USP34: variants seen among roughly 807,000 people sequenced by gnomAD.
The protein encoded by USP34 is ubiquitin carboxyl-terminal hydrolase 34.
A neutral mutation model predicts 460.3 loss-of-function variants in USP34; 70 were observed. The observed-to-expected ratio is 0.15, with a 90% CI of 0.13 to 0.19. The LOEUF is 0.19. Among genes scored for constraint, USP34 ranks in the 10% least tolerant of loss-of-function variants. The probability of loss-of-function intolerance (pLI) is 1.00; values close to 1 mark genes in which losing one functional copy is unlikely to be tolerated. For missense variants in USP34, 3,985 were observed against 4,236.2 expected (o/e 0.94, Z 1.65); for synonymous variants, 1,647 against 1,405.3 (o/e 1.17, Z -3.85).
At chr2:61,208,868 T>A in intron 70 of USP34, 31 bp downstream of exon 70, 1 of 1,463,104 alleles carries the variant, frequency 6.8e-7, no homozygotes, top group Non-Finnish European at 9.3e-7. Flanking sequence ...AATGAGATAA[T>A]ATCCACAGTA....
intron 2 of USP34, among the ~76,000 whole-genome samples, chr2:61,413,419 C>T (rs925643750): frequency 7.1e-6 from 1 of 141,328 alleles, no homozygotes; most frequent in African/African-American, 2.6e-5. Context: ...AATAAAAAAA[C>T]AAAAGAGGCC....
chr2:61,242,185 G>A (rs1688282583), intron 51 of USP34, among the ~76,000 whole-genome samples: 1 of 152,024 alleles, frequency 6.6e-6, no homozygotes, highest in Admixed American at 6.6e-5. Context: ...AATTTAAATA[G>A]TTCTTTCTCA....
chr2:61,467,655 T>TG (rs1695816840), intron 1 of USP34, among the ~76,000 whole-genome samples: 1 of 147,238 alleles, frequency 6.8e-6, no homozygotes, highest in Admixed American at 6.8e-5. Context: ...AGTCTTGTTC[T>TG]GTGGCCGAGG....
chr2:61,461,034 G>A (rs1048342412), intron 1 of USP34, among the ~76,000 whole-genome samples: 14 of 150,854 alleles, frequency 9.3e-5, no homozygotes, highest in Non-Finnish European at 2.1e-4. Context: ...TGTTGTTGTT[G>A]TTATTTCATT....
chr2:61,306,760 A>G (rs1408240431), intron 27 of USP34, among the ~76,000 whole-genome samples: 1 of 152,156 alleles, frequency 6.6e-6, no homozygotes, highest in African/African-American at 2.4e-5. Flanking sequence ...CAAAACCACA[A>G]TGAGATACCA....
intron 1 of USP34, among the ~76,000 whole-genome samples, chr2:61,462,176 T>G (rs1358008675): frequency 1.3e-5 from 2 of 149,730 alleles, no homozygotes; most frequent in African/African-American, 4.9e-5. Flanking sequence ...GAGGCGGAGG[T>G]TGCAGTGAGC....
chr2:61,327,815 T>C (rs1691140900), intron 20 of USP34, among the ~76,000 whole-genome samples: 1 of 152,136 alleles, frequency 6.6e-6, no homozygotes. Context: ...ATGGTATCAA[T>C]ATTGACAAAT....
chr2:61,271,222 G>T (rs6545851), intron 41 of USP34, among the ~76,000 whole-genome samples: 108,535 of 152,106 alleles, frequency 0.71, 39,382 homozygotes, highest in African/African-American at 0.84. Flanking sequence ...GGGAATCGCT[G>T]GAACCTGGAA....
At chr2:61,395,142 A>G (rs183798719) in intron 4 of USP34, 41 bp downstream of exon 4, 1 of 1,483,398 alleles carries the variant, frequency 6.7e-7, no homozygotes, top group East Asian at 2.3e-5. Context: ...TGTTAAAAAA[A>G]TAAAATTTTC....
At chr2:61,345,593 C>T (rs1691743368) in intron 15 of USP34, among the ~76,000 whole-genome samples, 1 of 152,150 alleles carries the variant, frequency 6.6e-6, no homozygotes, top group Non-Finnish European at 1.5e-5. Context: ...CATTAGTTAG[C>T]CCAGGAAATC....
chr2:61,452,318 CTTTT>C (rs35104375), intron 1 of USP34, among the ~76,000 whole-genome samples: 2 of 89,926 alleles, frequency 2.2e-5, no homozygotes, highest in Non-Finnish European at 4.2e-5. Context: ...ATTCCCGGCA[CTTTT>C]TTTTTTTTTT....
chr2:61,456,766 A>G (rs1180841642), intron 1 of USP34, among the ~76,000 whole-genome samples: 3 of 152,142 alleles, frequency 2.0e-5, no homozygotes, highest in Non-Finnish European at 4.4e-5. Flanking sequence ...CAGCCTGGGC[A>G]ACACAGTGGG....
In USP34 at chr2:61,350,514, G is replaced by A. The variant is rs990509359; in HGVS notation, c.1377+54C>T. 5.1e-6 allele frequency: 8 copies of A among 1,557,030 alleles called. No homozygotes were observed. In the South Asian group the frequency reaches 8.6e-5, roughly 17 times the overall value. ...AAAGTTAAATTATCTGAATCACAAG[G>A]AAATTTTCACTTCACGGGAAAAAAA... On this transcript the variant is annotated intron_variant, in intron 11 of 79. Coordinates refer to ENST00000398571, the MANE Select transcript of USP34 (RefSeq NM_014709.4).
At chr2:61,353,392 A>ATTTTTTTT (rs1282016277) in intron 10 of USP34, among the ~76,000 whole-genome samples, 1 of 143,872 alleles carries the variant, frequency 7.0e-6, no homozygotes, top group Admixed American at 7.0e-5. Flanking sequence ...TCCTAGACGA[A>ATTTTTTTT]TGTTTTTTTT....
chr2:61,324,896 T>C (rs1267035306), intron 21 of USP34, among the ~76,000 whole-genome samples: 1 of 152,150 alleles, frequency 6.6e-6, no homozygotes, highest in Non-Finnish European at 1.5e-5. Flanking sequence ...GTATTAAGAA[T>C]AATCACTGCA....
At chr2:61,388,755 C>T (rs1350837362) in intron 5 of USP34, among the ~76,000 whole-genome samples, 1 of 114,382 alleles carries the variant, frequency 8.7e-6, no homozygotes, top group Non-Finnish European at 1.8e-5. Flanking sequence ...GACTCCATCT[C>T]AGAAAAAGAA....
intron 16 of USP34, among the ~76,000 whole-genome samples, chr2:61,340,599 A>T (rs1229333877): frequency 2.6e-5 from 4 of 152,050 alleles, no homozygotes; most frequent in Admixed American, 2.6e-4. Flanking sequence ...TCACATACCT[A>T]TTTTTAATTT....
At chr2:61,408,990 T>C (rs1693961455) in intron 2 of USP34, among the ~76,000 whole-genome samples, 1 of 150,440 alleles carries the variant, frequency 6.6e-6, no homozygotes, top group Admixed American at 6.6e-5. Context: ...GAGGCCAAAG[T>C]GGGCAGATGA....
chr2:61,378,256 G>C, intron 8 of USP34, 107 bp downstream of exon 8: 2 of 783,802 alleles, frequency 2.6e-6, no homozygotes, highest in South Asian at 3.4e-5. Context: ...ATGTCAAAGG[G>C]CAAAGAATTT....
Sources: gnomAD v4.1 joint callset for allele counts (sites outside exome capture counted in the v4.1 genomes callset) on GRCh38, gnomAD v4.1.1 for gene constraint, MANE v1.5 for transcripts, NCBI Gene and HGNC (gene_info 2026-07-23, HGNC 2026-07-21) for gene names.